Variants in DAP3 observed in about 807,000 individuals in gnomAD.
The protein encoded by DAP3 is small ribosomal subunit protein mS29.
A neutral mutation model predicts 51.9 loss-of-function variants in DAP3; 28 were observed. The observed-to-expected ratio is 0.54, with a 90% CI of 0.40 to 0.74. The LOEUF is 0.74. DAP3 is among the 30% of genes least tolerant of loss of function. The pLI is 0.00. For missense variants in DAP3, 458 were observed against 483.5 expected (o/e 0.95, Z 0.49); for synonymous variants, 170 against 170.3 (o/e 1.00, Z 0.01).
chr1:155,695,787 T>A (rs1654440022), intron 1 of DAP3, among the ~76,000 whole-genome samples: 1 of 152,214 alleles, frequency 6.6e-6, no homozygotes, highest in East Asian at 1.9e-4. Flanking sequence ...GAGGAAGAGT[T>A]AGTGTGGATA....
chr1:155,695,490 T>C (rs1381427452), intron 1 of DAP3, among the ~76,000 whole-genome samples: 4 of 152,142 alleles, frequency 2.6e-5, no homozygotes, highest in Non-Finnish European at 5.9e-5. Flanking sequence ...TCAGTAAGTA[T>C]GGGGGAAACC....
upstream of DAP3, chr1:155,688,611 C>T (rs1558324267): frequency 2.6e-6 from 4 of 1,534,880 alleles, no homozygotes; most frequent in Non-Finnish European, 2.6e-6. Context: ...TTCTCCACTC[C>T]CCCTCAGACC....
chr1:155,700,569 G>T (rs1655080765), intron 1 of DAP3, among the ~76,000 whole-genome samples: 1 of 151,082 alleles, frequency 6.6e-6, no homozygotes, highest in African/African-American at 2.4e-5. Context: ...GAGGGAGGTG[G>T]GGGGTCAGCC....
chr1:155,705,700 AT>A lies in DAP3; in HGVS notation c.-7-4070del, dbSNP rs1289313751. ...TTTTATTTATTTTTAAATATTATTT[AT>A]TTATTTATTTATTTTTTGAGATGGA... On this transcript the variant is annotated intron_variant, in intron 1 of 12. Coordinates refer to ENST00000368336, the MANE Select transcript of DAP3 (RefSeq NM_004632.4). 6.0e-5 allele frequency among the ~76,000 whole-genome samples: 9 copies of A among 150,600 alleles called. No homozygotes were observed. In the East Asian group the frequency reaches 1.7e-3, roughly 29 times the overall value.
chr1:155,700,568 G>C (rs998784134), intron 1 of DAP3, among the ~76,000 whole-genome samples: 8 of 144,768 alleles, frequency 5.5e-5, no homozygotes, highest in Middle Eastern at 3.6e-3. Flanking sequence ...GGAGGGAGGT[G>C]GGGGGTCAGC....
upstream of DAP3, chr1:155,688,863 A>G (rs1653195354): frequency 6.2e-7 from 1 of 1,605,200 alleles, no homozygotes; most frequent in South Asian, 1.1e-5. Flanking sequence ...GGGACCGGCA[A>G]AGCGAGTCTG....
At chr1:155,702,297 G>A (rs1376048100) in intron 1 of DAP3, among the ~76,000 whole-genome samples, 4 of 150,184 alleles carry the variant, frequency 2.7e-5, no homozygotes, top group Non-Finnish European at 5.9e-5. Context: ...GGGAAACCCC[G>A]TCTCTACTAA....
intron 1 of DAP3, among the ~76,000 whole-genome samples, chr1:155,708,504 T>C (rs1656269073): frequency 1.3e-5 from 2 of 151,886 alleles, no homozygotes. Flanking sequence ...TAACATTTGC[T>C]ATTGTCTGAC....
intron 11 of DAP3, among the ~76,000 whole-genome samples, chr1:155,734,426 C>G (rs1398337483): frequency 6.6e-6 from 1 of 152,058 alleles, no homozygotes; most frequent in Non-Finnish European, 1.5e-5. Context: ...ATCCTCCCAC[C>G]TCGGCCTCCT....
At chr1:155,723,777 G>A (rs1021308073) in intron 4 of DAP3, among the ~76,000 whole-genome samples, 4 of 152,136 alleles carry the variant, frequency 2.6e-5, no homozygotes, top group Non-Finnish European at 4.4e-5. Context: ...AATGGCTCAC[G>A]CCTGTAATTC....
chr1:155,688,358 T>G, upstream of DAP3: 1 of 1,547,190 alleles, frequency 6.5e-7, no homozygotes, highest in Non-Finnish European at 8.7e-7. Flanking sequence ...CCGCGGCAGC[T>G]CCTCCAGAGG....
At chr1:155,709,752 C>CTT (rs372695062) in intron 1 of DAP3, 21 bp from the exon 2 acceptor site, 1,242 of 1,322,456 alleles carry the variant, frequency 9.4e-4, no homozygotes, top group South Asian at 3.2e-3. Context: ...TACCTTTTCA[C>CTT]TTTTTTTTTT....
intron 2 of DAP3, among the ~76,000 whole-genome samples, chr1:155,712,663 C>CAAATTAAATACAGG (rs1656867485): frequency 1.4e-5 from 2 of 146,802 alleles, no homozygotes; most frequent in Non-Finnish European, 3.0e-5. Context: ...TTTTAATTTG[C>CAAATTAAATACAGG]TTCAAAAAGT....
Position 155,721,500 on chromosome 1 carries a change from G to T in DAP3, c.169-17G>T, listed in dbSNP as rs750118220. ...CACTTTGTCACCATTATACCTGTTT[G>T]CACTCTTATTTCCTAGGCCAAGCAT... On this transcript the variant is annotated splice_polypyrimidine_tract_variant and intron_variant, in intron 3 of 12. Transcript: ENST00000368336. 8 of 1,613,044 alleles carry T rather than the reference G, an allele frequency of 5.0e-6. No homozygotes were observed. Among genetic ancestry groups the T allele is most frequent in the Non-Finnish European group, 6.8e-6 (8 of 1,179,506 alleles).
At position 155,702,423 on chromosome 1, in the gene DAP3, A is replaced by G. The variant is rs550974375; in HGVS notation, c.-7-7350A>G. Among the ~76,000 whole-genome samples, 12 of 152,082 alleles carry G rather than the reference A, an allele frequency of 7.9e-5. No individual in the cohort carries two copies. The South Asian group carries it at 1.0e-3, about 13-fold the overall frequency. On this transcript the variant is annotated intron_variant, in intron 1 of 12. Transcript: ENST00000368336. ...GGGAGGCAGAGGTTGCCGTGAGCCA[A>G]TGAGCTGAGATCACACCAGTGCACT...
At chr1:155,709,197 A>G (rs1656392528) in intron 1 of DAP3, 1 of 150,768 alleles carries the variant, frequency 6.6e-6, no homozygotes, top group Non-Finnish European at 1.5e-5. Flanking sequence ...TCCATGCTGG[A>G]ATGTAGTGCA....
rs751701842 is a variant in DAP3 at position 155,729,382 on chromosome 1, GTC to G, written c.843+20_843+21del. 34 of 1,612,190 alleles carry G rather than the reference GTC, an allele frequency of 2.1e-5. No individual in the cohort carries two copies. In the South Asian group the frequency reaches 3.5e-4, roughly 17 times the overall value. On this transcript the variant is annotated intron_variant, in intron 9 of 12. Transcript: ENST00000368336. ...TAAAAGCCCGGTAGGAAAACTGGGT[GTC>G]TCTATCTTGTTTCTCTGATTTCTGA...
upstream of DAP3, chr1:155,688,806 A>G (rs1653177599): frequency 3.2e-6 from 5 of 1,553,770 alleles, no homozygotes; most frequent in East Asian, 2.4e-5. Context: ...CACAGTCCCC[A>G]CCGCGGGACT....
intron 9 of DAP3, among the ~76,000 whole-genome samples, chr1:155,730,928 G>T (rs539252147): frequency 4.6e-5 from 7 of 152,194 alleles, no homozygotes; most frequent in Admixed American, 1.3e-4. Context: ...GCTTATCCTA[G>T]AGGGAGTACC....
Sources: allele counts gnomAD v4.1 joint callset (sites outside exome capture counted in the v4.1 genomes callset), GRCh38; gene constraint gnomAD v4.1.1; transcripts MANE v1.5; gene names NCBI Gene and HGNC (gene_info 2026-07-23, HGNC 2026-07-21).